SORCS2: variants seen among roughly 807,000 people sequenced by gnomAD.
SORCS2 encodes sortilin related VPS10 domain containing receptor 2.
In SORCS2, 100 loss-of-function variants were observed where a neutral mutation model predicts 141.6. The observed-to-expected ratio is 0.71, with a 90% CI of 0.60 to 0.83. SORCS2 has a LOEUF of 0.83. Ranked by LOEUF, SORCS2 falls within the 40% of genes least tolerant of loss-of-function variation. The pLI is 0.00. For missense variants in SORCS2, 1,646 were observed against 1,560.2 expected, an observed-to-expected ratio of 1.05 and a Z score of -0.93; for synonymous variants, 789 against 676.9, an observed-to-expected ratio of 1.17 and a Z score of -2.57.
rs540106648 is a variant in SORCS2 at position 7,291,936 on chromosome 4, G to A, written c.480+98810G>A. 1.5e-3 allele frequency among the ~76,000 whole-genome samples: 223 copies of A among 152,338 alleles called. 3 individuals carry two copies. The highest frequency in any genetic ancestry group is 4.9e-3 in the African/African-American group (205 of 41,576). ...TCCCCACAGTAAAACTGGGAATGCG[G>A]CCACACAGGTCTCACGGGGCCAAGG... On this transcript the variant is annotated intron_variant, in intron 1 of 26. Coordinates refer to ENST00000507866, the MANE Select transcript of SORCS2 (RefSeq NM_020777.3).
chr4:7,574,087 A>T (rs1715582215), intron 3 of SORCS2, among the ~76,000 whole-genome samples: 1 of 152,220 alleles, frequency 6.6e-6, no homozygotes, highest in African/African-American at 2.4e-5. Flanking sequence ...TTCTCTTCAC[A>T]GCATTTGTCA....
intron 22 of SORCS2, 108 bp downstream of exon 22, chr4:7,728,570 C>A: frequency 1.4e-6 from 1 of 715,724 alleles, no homozygotes; most frequent in Admixed American, 2.9e-5. Flanking sequence ...GTGGCACTGC[C>A]CCCGCACACG....
chr4:7,725,011 GTGGTGGTGGTGGTGGTGA>G (rs1727106965), intron 19 of SORCS2, 125 bp from the exon 20 acceptor site: 1 of 850,832 alleles, frequency 1.2e-6, no homozygotes, highest in African/African-American at 2.0e-5. Flanking sequence ...GGTGATGGTG[GTGGTGGTGGTGGTGGTGA>G]TGATAGTGGT....
intron 2 of SORCS2, among the ~76,000 whole-genome samples, chr4:7,474,575 C>G (rs548096116): frequency 6.6e-6 from 1 of 152,172 alleles, no homozygotes; most frequent in East Asian, 1.9e-4. Context: ...TCTGTGAATT[C>G]TGCATGGGGT....
At chr4:7,477,632 G>T (rs73212555) in intron 2 of SORCS2, among the ~76,000 whole-genome samples, 1 of 152,184 alleles carries the variant, frequency 6.6e-6, no homozygotes. Flanking sequence ...TCAGTGTCAA[G>T]AACTGGAGTC....
chr4:7,566,294 A>G (rs1189766688), intron 3 of SORCS2, among the ~76,000 whole-genome samples: 2 of 148,530 alleles, frequency 1.3e-5, no homozygotes, highest in African/African-American at 5.1e-5. Flanking sequence ...TAATGTGTTA[A>G]TGGTGATGGT....
At chr4:7,616,488 C>A (rs978261491) in intron 3 of SORCS2, among the ~76,000 whole-genome samples, 2 of 152,126 alleles carry the variant, frequency 1.3e-5, no homozygotes, top group South Asian at 4.2e-4. Flanking sequence ...CCTGAGCTAC[C>A]CTTCATCCAA....
intron 3 of SORCS2, among the ~76,000 whole-genome samples, chr4:7,561,607 T>C (rs1291831285): frequency 7.0e-6 from 1 of 143,670 alleles, no homozygotes; most frequent in African/African-American, 2.7e-5. Context: ...TATCCATCTA[T>C]CTACCCATCC....
rs1715684772 is a variant in SORCS2, at chr4:7,575,403, G to T, written c.648+43774G>T. Among the ~76,000 whole-genome samples the T allele has an allele frequency of 2.0e-5, 3 of 152,060 alleles. No homozygotes were observed. The South Asian group carries it at 6.2e-4, about 32-fold the overall frequency. Reference sequence around the variant, plus strand: ...TTTTATGTCCTTTTTTCCATACTAAGCCTTTGAAATCCAGTGTATAATTTA... The same window carrying T: ...TTTTATGTCCTTTTTTCCATACTAATCCTTTGAAATCCAGTGTATAATTTA... On this transcript the variant is annotated intron_variant, in intron 3 of 26. Coordinates refer to ENST00000507866, the MANE Select transcript of SORCS2 (RefSeq NM_020777.3).
intron 3 of SORCS2, among the ~76,000 whole-genome samples, chr4:7,548,202 C>T (rs1311334679): frequency 6.6e-6 from 1 of 152,180 alleles, no homozygotes; most frequent in Non-Finnish European, 1.5e-5. Context: ...AAGTGACCCC[C>T]ATCGCCAGCA....
At chr4:7,653,674 G>A in intron 4 of SORCS2, among the ~76,000 whole-genome samples, 1 of 152,144 alleles carries the variant, frequency 6.6e-6, no homozygotes, top group African/African-American at 2.4e-5. Flanking sequence ...CTGGTGTCAG[G>A]CCCCAGCCCA....
At chr4:7,216,210 G>A (rs192244854) in intron 1 of SORCS2, among the ~76,000 whole-genome samples, 38 of 152,286 alleles carry the variant, frequency 2.5e-4, no homozygotes, top group Non-Finnish European at 2.6e-4. Flanking sequence ...CATTCTTGAA[G>A]TCAGTGAGAC....
At chr4:7,551,710 G>A (rs1713716980) in intron 3 of SORCS2, among the ~76,000 whole-genome samples, 1 of 152,206 alleles carries the variant, frequency 6.6e-6, no homozygotes, top group African/African-American at 2.4e-5. Context: ...CTCACCCGGA[G>A]CCTTCCCTGG....
At chr4:7,724,829 A>G (rs58232257) in intron 19 of SORCS2, among the ~76,000 whole-genome samples, 5 of 118,760 alleles carry the variant, frequency 4.2e-5, no homozygotes, top group East Asian at 2.7e-4. Context: ...GATGGCAGTG[A>G]TGATGGTGGA....
intron 1 of SORCS2, among the ~76,000 whole-genome samples, chr4:7,328,532 C>A (rs374426934): frequency 6.6e-6 from 1 of 152,148 alleles, no homozygotes; most frequent in Non-Finnish European, 1.5e-5. Context: ...GAGGGCTGCC[C>A]AGGTACAAGC....
chr4:7,425,124 G>A lies in SORCS2; in HGVS notation c.548+28769G>A, dbSNP rs569410583. Among the ~76,000 whole-genome samples the A allele has an allele frequency of 1.3e-3, 200 of 152,292 alleles. 1 individual carries two copies. Among genetic ancestry groups the A allele is most frequent in the Non-Finnish European group, 1.0e-3 (69 of 68,018 alleles). On this transcript the variant is annotated intron_variant, in intron 2 of 26. Transcript: ENST00000507866. ...TGTCCTGCTCTCTCCAGCCTCTCAC[G>A]ACCCAGAGCCTCAGATCCTCCCACA...
At chr4:7,666,678 C>T (rs749629708) in intron 7 of SORCS2, among the ~76,000 whole-genome samples, 4 of 152,148 alleles carry the variant, frequency 2.6e-5, no homozygotes, top group Non-Finnish European at 4.4e-5. Context: ...AACAGATGCC[C>T]ATGGCCACAG....
At chr4:7,357,906 T>C (rs952968207) in intron 1 of SORCS2, among the ~76,000 whole-genome samples, 1 of 152,158 alleles carries the variant, frequency 6.6e-6, no homozygotes, top group South Asian at 2.1e-4. Flanking sequence ...TAAACACGGT[T>C]CAAATGAAAA....
chr4:7,393,367 C>G (rs887537824), intron 1 of SORCS2, among the ~76,000 whole-genome samples: 1 of 152,104 alleles, frequency 6.6e-6, no homozygotes, highest in Admixed American at 6.5e-5. Context: ...AAAACTGTCC[C>G]GGGGATATTT....
Sources: allele counts gnomAD v4.1 joint callset (sites outside exome capture counted in the v4.1 genomes callset), GRCh38; gene constraint gnomAD v4.1.1; transcripts MANE v1.5; gene names NCBI Gene and HGNC (gene_info 2026-07-23, HGNC 2026-07-21).